The following UGT2B17 variants were observed in gnomAD, a reference collection of about 807,000 sequenced individuals.
UGT2B17 encodes the protein UDP-glucuronosyltransferase 2B17.
In UGT2B17, 21 loss-of-function variants were observed where a neutral mutation model predicts 48.2. The ratio of observed to expected loss-of-function variants is 0.44; its 90% CI spans 0.31 to 0.63. UGT2B17 has a LOEUF of 0.63. Among genes scored for constraint, UGT2B17 ranks in the 20% least tolerant of loss-of-function variants. The pLI, the probability that UGT2B17 is intolerant of heterozygous loss-of-function variation, is 0.08. For synonymous variants in UGT2B17, 146 were observed against 238.4 expected (o/e 0.61, Z 3.57); for missense variants, 402 against 696.1 (o/e 0.58, Z 4.75).
In UGT2B17 at chr4:68,568,111, A is replaced by G; in HGVS notation, c.374T>C (p.Ile125Thr). ...ELCWEYSDYNIKLCEDAVLNK... is the reference protein window; with the variant it reads ...ELCWEYSDYNTKLCEDAVLNK... The stretch of plus-strand genomic sequence containing the variant: ...CAAAACTGCATCTTCACAGAGCTTT[A>G]TATTATAGTCAGAATATTCCCAACA... Residue 125 changes from isoleucine (I) to threonine (T), a missense_variant, in exon 2 of 7, where the codon ATA becomes ACA. Ile to Thr is a moderately conservative substitution (Grantham distance 89). Coordinates refer to ENST00000317746, the MANE Select transcript of UGT2B17 (RefSeq NM_001077.4). The G allele has an allele frequency of 7.2e-7, 1 of 1,382,188 alleles. No homozygotes were observed. The highest frequency in any genetic ancestry group is 9.5e-7 in the Non-Finnish European group (1 of 1,055,388). The allele number at this position is 1,382,188 out of a possible 1,614,324, so 85.6% of individuals were successfully genotyped here.
rs760685930 is a variant in UGT2B17, at chr4:68,542,720, G to T, written c.1314-4816C>A. On this transcript the variant is annotated intron_variant, in intron 6 of 6. Transcript: ENST00000317746. Reference sequence around the variant, plus strand: ...GGATAGGGGTAACAGATGGCACCTGGAAAATTGGGTTACTCCCACCCTAAT... The same window carrying T: ...GGATAGGGGTAACAGATGGCACCTGTAAAATTGGGTTACTCCCACCCTAAT... Among the ~76,000 whole-genome samples, 19 of 127,000 alleles carry T rather than the reference G, an allele frequency of 1.5e-4. 3 individuals are homozygous for T. The highest frequency in any genetic ancestry group is 3.0e-4 in the Non-Finnish European group (18 of 59,666). 83.3% of individuals were successfully genotyped at this position (127,000 alleles called of 152,430 possible). A position where few individuals can be genotyped will look rare whatever the true frequency, so the allele number is the denominator to read the frequency against.
chr4:68,539,298 A>G (rs1730612001), intron 6 of UGT2B17, among the ~76,000 whole-genome samples: 1 of 125,580 alleles, frequency 8.0e-6, no homozygotes, highest in Non-Finnish European at 1.7e-5. Context: ...ATCATAGATT[A>G]TGTTTATATA....
rs575116058 is a variant in UGT2B17 at position 68,556,744 on chromosome 4, T to A, written c.1005+3793A>T. ...ATACAATTTTGAAAAACAAACTTAT[T>A]TGGCTTCATGCTGTTTTATTAGGGC... On this transcript the variant is annotated intron_variant, in intron 4 of 6. Coordinates refer to ENST00000317746, the MANE Select transcript of UGT2B17 (RefSeq NM_001077.4). Among the ~76,000 whole-genome samples, 10 of 125,868 alleles carry A rather than the reference T, an allele frequency of 7.9e-5. 1 individual carries two copies. In the Admixed American group the frequency reaches 8.2e-4, roughly 10 times the overall value. 82.6% of individuals were successfully genotyped at this position (125,868 alleles called of 152,430 possible).
At position 68,551,621 on chromosome 4, in the gene UGT2B17, A is replaced by T. The variant is rs1420269216; in HGVS notation, c.1093+203T>A. Among the ~76,000 whole-genome samples the T allele has an allele frequency of 4.7e-5, 6 of 126,550 alleles. 1 individual carries two copies. The highest frequency in any genetic ancestry group is 1.7e-5 in the Non-Finnish European group (1 of 59,570). 83.0% of individuals were successfully genotyped at this position (126,550 alleles called of 152,430 possible). On this transcript the variant is annotated intron_variant, in intron 5 of 6. Transcript: ENST00000317746. ...GAGATTTTTATTCTGACCATAAAGAATGTGACTGTATGTAACAAAATGCCA... is the reference window on the plus strand; with the variant it reads ...GAGATTTTTATTCTGACCATAAAGATTGTGACTGTATGTAACAAAATGCCA...
intron 4 of UGT2B17, among the ~76,000 whole-genome samples, chr4:68,553,910 C>T (rs1730958390): frequency 8.1e-6 from 1 of 123,160 alleles, no homozygotes; most frequent in Non-Finnish European, 1.7e-5. Context: ...GCATCTGCTC[C>T]TCCCAGGCAA....
rs1213451145 is a variant in UGT2B17, at chr4:68,550,463, A to G, written c.1313+214T>C. Among the ~76,000 whole-genome samples, 3 of 125,354 alleles carry G rather than the reference A, an allele frequency of 2.4e-5. 1 individual carries two copies. The highest frequency in any genetic ancestry group is 5.1e-5 in the Non-Finnish European group (3 of 59,358). 82.2% of individuals were successfully genotyped at this position (125,354 alleles called of 152,430 possible). ...ACATATCTTTAATTTTTTTGATTTT[A>G]TAATTCATTGCAGTCATTGGTGACC... On this transcript the variant is annotated intron_variant, in intron 6 of 6. Transcript: ENST00000317746.
chr4:68,546,866 C>A lies in UGT2B17; in HGVS notation c.1313+3811G>T, dbSNP rs1380637031. ...ATAAAATACCTAGGAATCCAACTTACAAGGGATGTGAAGGACCTCTTCAAG... is the reference window on the plus strand; with the variant it reads ...ATAAAATACCTAGGAATCCAACTTAAAAGGGATGTGAAGGACCTCTTCAAG... On this transcript the variant is annotated intron_variant, in intron 6 of 6. Coordinates refer to ENST00000317746, the MANE Select transcript of UGT2B17 (RefSeq NM_001077.4). Among the ~76,000 whole-genome samples the A allele has an allele frequency of 1.1e-4, 14 of 123,758 alleles. 2 individuals carry two copies. Among genetic ancestry groups the A allele is most frequent in the Admixed American group, 8.4e-5 (1 of 11,932 alleles). 81.2% of individuals were successfully genotyped at this position (123,758 alleles called of 152,430 possible).
Position 68,575,578 on chromosome 4 carries a change from C to G in UGT2B17, c.-65+373G>C, listed in dbSNP as rs1203447614. Among the ~76,000 whole-genome samples, 5 of 125,568 alleles carry G rather than the reference C, an allele frequency of 4.0e-5. 1 individual carries two copies. Among genetic ancestry groups the G allele is most frequent in the Non-Finnish European group, 3.4e-5 (2 of 59,502 alleles). The allele number at this position is 125,568 out of a possible 152,430, so 82.4% of individuals were successfully genotyped here. A position where few individuals can be genotyped will look rare whatever the true frequency, so the allele number is the denominator to read the frequency against. On this transcript the variant is annotated intron_variant, in intron 1 of 6. Transcript: ENST00000317746. ...TTTTTTTGAGACAAAACACCATGCT[C>G]ACAGCACACACACACCACAAAACAA...
chr4:68,549,113 T>A, intron 6 of UGT2B17, among the ~76,000 whole-genome samples: 1 of 123,432 alleles, frequency 8.1e-6, no homozygotes, highest in Admixed American at 8.3e-5. Flanking sequence ...TTGAAGTATT[T>A]TAAATCATTT....
At position 68,567,509 on chromosome 4, in the gene UGT2B17, A is replaced by C. The variant is rs1307813160; in HGVS notation, c.724+252T>G. ...ATAGCAAAATGATATGTGATGGCTT[A>C]AAGAAATCATAAGTGTTTTACATTG... is the stretch of plus-strand genomic sequence containing the variant. On this transcript the variant is annotated intron_variant, in intron 2 of 6. Transcript: ENST00000317746. Among the ~76,000 whole-genome samples the C allele has an allele frequency of 4.0e-5, 5 of 126,106 alleles. 1 individual carries two copies. The highest frequency in any genetic ancestry group is 6.7e-5 in the Non-Finnish European group (4 of 59,502). The allele number at this position is 126,106 out of a possible 152,430, so 82.7% of individuals were successfully genotyped here.
At position 68,564,973 on chromosome 4, in the gene UGT2B17, T is replaced by A. The variant is rs373227134; in HGVS notation, c.873+599A>T. 2.4e-5 allele frequency among the ~76,000 whole-genome samples: 3 copies of A among 125,250 alleles called. 1 individual carries two copies. The highest frequency in any genetic ancestry group is 5.1e-5 in the Non-Finnish European group (3 of 59,168). 82.2% of individuals were successfully genotyped at this position (125,250 alleles called of 152,430 possible). A position where few individuals can be genotyped will look rare whatever the true frequency, so the allele number is the denominator to read the frequency against. ...TCGTCCCTTCTCTGCCTCCCAAAAT[T>A]CAGGGATTATAGGTGTGAGCCACCT... On this transcript the variant is annotated intron_variant, in intron 3 of 6. Coordinates refer to ENST00000317746, the MANE Select transcript of UGT2B17 (RefSeq NM_001077.4).
chr4:68,575,275 G>T (rs551264066), intron 1 of UGT2B17, among the ~76,000 whole-genome samples: 1 of 112,724 alleles, frequency 8.9e-6, no homozygotes, highest in African/African-American at 3.1e-5. Flanking sequence ...GGGGGGGTGG[G>T]GGGAAGGGGT....
intron 1 of UGT2B17, among the ~76,000 whole-genome samples, chr4:68,574,485 C>T (rs1731339244): frequency 7.9e-6 from 1 of 126,810 alleles, no homozygotes; most frequent in Non-Finnish European, 1.7e-5. Flanking sequence ...AAACCTGTTG[C>T]ATTTTTACTT....
In UGT2B17 at chr4:68,565,487, T is replaced by C; in HGVS notation, c.873+85A>G. On this transcript the variant is annotated intron_variant, in intron 3 of 6. Coordinates refer to ENST00000317746, the MANE Select transcript of UGT2B17 (RefSeq NM_001077.4). ...TTTTGACCTCCCATATTCCCCTCAC[T>C]CTGAGTTAAACACTCTGAAAGAAAC... The C allele has an allele frequency of 1.8e-6, 2 of 1,113,800 alleles. 1 individual carries two copies. The highest frequency in any genetic ancestry group is 2.3e-6 in the Non-Finnish European group (2 of 860,854). The allele number at this position is 1,113,800 out of a possible 1,614,324, so 69.0% of individuals were successfully genotyped here. A position where few individuals can be genotyped will look rare whatever the true frequency, so the allele number is the denominator to read the frequency against.
intron 6 of UGT2B17, among the ~76,000 whole-genome samples, chr4:68,550,157 T>C (rs1343555798): frequency 8.0e-6 from 1 of 125,104 alleles, no homozygotes; most frequent in African/African-American, 2.7e-5. Context: ...TGAGTTTAAT[T>C]TGAGCTCACA....
Position 68,537,514 on chromosome 4 carries a change from G to T in UGT2B17, c.*111C>A. The T allele has an allele frequency of 9.9e-7, 1 of 1,013,034 alleles. No individual in the cohort carries two copies. The highest frequency in any genetic ancestry group is 3.4e-5 in the South Asian group (1 of 29,822). 62.8% of individuals were successfully genotyped at this position (1,013,034 alleles called of 1,614,324 possible). On this transcript the variant is annotated 3_prime_UTR_variant, in exon 7 of 7. Transcript: ENST00000317746. The stretch of plus-strand genomic sequence containing the variant: ...ATTTTGACTTAACAGGGTAAGTTGT[G>T]AAAAGACGTTTTGTCGCAGGAAAAA...
At position 68,565,230 on chromosome 4, in the gene UGT2B17, A is replaced by G. The variant is rs185771525; in HGVS notation, c.873+342T>C. Among the ~76,000 whole-genome samples the G allele has an allele frequency of 5.0e-3, 635 of 126,012 alleles. 156 individuals carry two copies. The highest frequency in any genetic ancestry group is 0.044 in the Middle Eastern group (11 of 252). 82.7% of individuals were successfully genotyped at this position (126,012 alleles called of 152,430 possible). On this transcript the variant is annotated intron_variant, in intron 3 of 6. Coordinates refer to ENST00000317746, the MANE Select transcript of UGT2B17 (RefSeq NM_001077.4). Reference sequence around the variant, plus strand: ...GGCATGAGGGCGCAGAAACTGTGCTACCTTTATTCTCTGAAAATCCAGCAC... The same window carrying G: ...GGCATGAGGGCGCAGAAACTGTGCTGCCTTTATTCTCTGAAAATCCAGCAC...
At chr4:68,561,270 C>T (rs1207433746) in intron 3 of UGT2B17, among the ~76,000 whole-genome samples, 1 of 120,640 alleles carries the variant, frequency 8.3e-6, no homozygotes, top group Non-Finnish European at 1.7e-5. Context: ...CCCACTACCC[C>T]TCACTTCCCC....
intron 3 of UGT2B17, among the ~76,000 whole-genome samples, chr4:68,564,445 T>C (rs1731161846): frequency 8.3e-6 from 1 of 119,774 alleles, no homozygotes; most frequent in Admixed American, 8.7e-5. Flanking sequence ...CCTGCCAACA[T>C]GCCTGACTAA....
Sources: gnomAD v4.1 joint callset for allele counts (sites outside exome capture counted in the v4.1 genomes callset) on GRCh38, gnomAD v4.1.1 for gene constraint, MANE v1.5 for transcripts, NCBI Gene and HGNC (gene_info 2026-07-23, HGNC 2026-07-21) for gene names.